The following SPINK8 variants were observed in gnomAD, a reference collection of about 807,000 sequenced individuals.
SPINK8 encodes serine peptidase inhibitor Kazal type 8 (putative), also known as serine protease inhibitor Kazal-type 8.
In SPINK8, 12 loss-of-function variants were observed where a neutral mutation model predicts 14.4. That is an observed-to-expected ratio of 0.83 (90% CI 0.53 to 1.35). SPINK8 has a LOEUF of 1.35. SPINK8 is among the 40% of genes most tolerant of loss of function. SPINK8 has a pLI of 0.00. For synonymous variants in SPINK8, 32 were observed against 37.6 expected, an observed-to-expected ratio of 0.85 and a Z score of 0.55; for missense variants, 103 against 117.0, an observed-to-expected ratio of 0.88 and a Z score of 0.55.
intron 7 of SPINK8, 37 bp from the exon 8 acceptor site, chr3:48,307,040 G>C (rs1399520313): frequency 2.5e-6 from 4 of 1,608,012 alleles, no homozygotes; most frequent in Non-Finnish European, 3.4e-6. Flanking sequence ...AATCAAATTT[G>C]AGGAAGTTAA....
intron 6 of SPINK8, among the ~76,000 whole-genome samples, chr3:48,318,097 T>G (rs2036018218): frequency 6.6e-6 from 1 of 152,140 alleles, no homozygotes; most frequent in Non-Finnish European, 1.5e-5. Flanking sequence ...TAGATTGGTA[T>G]AAATTAGAAT....
intron 3 of SPINK8, 53 bp from the exon 4 acceptor site, chr3:48,328,407 G>A (rs1393592087): frequency 5.2e-6 from 7 of 1,334,488 alleles, no homozygotes; most frequent in Non-Finnish European, 6.3e-6. Context: ...CGAAGTACAA[G>A]TTCTCACAGA....
intron 4 of SPINK8, among the ~76,000 whole-genome samples, chr3:48,323,257 G>C (rs1344184117): frequency 1.3e-5 from 2 of 151,982 alleles, no homozygotes; most frequent in Admixed American, 1.3e-4. Context: ...CAATTTTCGT[G>C]ACTCAGCCAC....
At chr3:48,318,304 C>T (rs2036021692) in intron 6 of SPINK8, among the ~76,000 whole-genome samples, 1 of 152,090 alleles carries the variant, frequency 6.6e-6, no homozygotes, top group Non-Finnish European at 1.5e-5. Flanking sequence ...CCACACCCGG[C>T]TAATTTTTGT....
At chr3:48,320,986 C>T (rs2036065618) in intron 5 of SPINK8, 39 bp downstream of exon 5, 4 of 1,569,578 alleles carry the variant, frequency 2.5e-6, no homozygotes, top group Non-Finnish European at 3.5e-6. Context: ...TGGCTCTCTC[C>T]CCATTCCTGT....
At chr3:48,314,987 C>T (rs976554738) in intron 6 of SPINK8, among the ~76,000 whole-genome samples, 2 of 152,146 alleles carry the variant, frequency 1.3e-5, no homozygotes, top group African/African-American at 4.8e-5. Flanking sequence ...TTTAAACTGC[C>T]TGGTTGAGTA....
chr3:48,333,014 T>A (rs142629929), intron 1 of SPINK8, among the ~76,000 whole-genome samples: 18 of 150,388 alleles, frequency 1.2e-4, no homozygotes, highest in Admixed American at 3.3e-4. Context: ...CCGTTTGTGT[T>A]GAAGGGGGGT....
At position 48,308,118 on chromosome 3, in the gene SPINK8, C is replaced by G. The variant is rs150273368; in HGVS notation, c.283-1115G>C. Among the ~76,000 whole-genome samples, 71 of 151,772 alleles carry G rather than the reference C, an allele frequency of 4.7e-4. 1 individual carries two copies. The highest frequency in any genetic ancestry group is 8.7e-4 in the Non-Finnish European group (59 of 67,904). ...CCTCCCAAGTAGCTGGGACTACAGG[C>G]GCCCGCCACCAAGACTGGCTAATTT... is the stretch of plus-strand genomic sequence containing the variant. On this transcript the variant is annotated intron_variant, in intron 7 of 7. Coordinates refer to ENST00000434006, the MANE Select transcript of SPINK8 (RefSeq NM_001080525.3).
At chr3:48,321,862 G>T (rs2036080728) in intron 4 of SPINK8, among the ~76,000 whole-genome samples, 1 of 150,812 alleles carries the variant, frequency 6.6e-6, no homozygotes, top group South Asian at 2.2e-4. Flanking sequence ...ACCCAGGCTG[G>T]AGTGCATTGA....
At chr3:48,323,512 G>T (rs1431310239) in intron 4 of SPINK8, among the ~76,000 whole-genome samples, 2 of 152,186 alleles carry the variant, frequency 1.3e-5, no homozygotes, top group African/African-American at 4.8e-5. Flanking sequence ...AGAAGGCTTT[G>T]CCTAATTCAA....
intron 4 of SPINK8, among the ~76,000 whole-genome samples, chr3:48,323,385 C>T (rs1229625396): frequency 6.6e-6 from 1 of 152,124 alleles, no homozygotes; most frequent in African/African-American, 2.4e-5. Flanking sequence ...AGGCATGAGC[C>T]ACCACTCCTG....
intron 6 of SPINK8, among the ~76,000 whole-genome samples, chr3:48,310,960 CT>C (rs1395808676): frequency 6.6e-6 from 1 of 152,044 alleles, no homozygotes; most frequent in African/African-American, 2.4e-5. Flanking sequence ...ACCAATATCC[CT>C]TGTGAATACA....
intron 3 of SPINK8, among the ~76,000 whole-genome samples, chr3:48,328,724 C>T (rs1287475864): frequency 6.6e-6 from 1 of 152,090 alleles, no homozygotes; most frequent in Non-Finnish European, 1.5e-5. Flanking sequence ...ATCACTTGAG[C>T]CCAGGAGTTC....
At chr3:48,319,211 C>T (rs1560016963) in intron 6 of SPINK8, among the ~76,000 whole-genome samples, 1 of 152,208 alleles carries the variant, frequency 6.6e-6, no homozygotes, top group Non-Finnish European at 1.5e-5. Flanking sequence ...ACATGATCTA[C>T]ATGCTATGGC....
intron 6 of SPINK8, among the ~76,000 whole-genome samples, chr3:48,314,106 G>A (rs975131430): frequency 3.3e-5 from 5 of 152,096 alleles, no homozygotes; most frequent in African/African-American, 1.2e-4. Flanking sequence ...TTCATTTTAT[G>A]TCATATGAAT....
chr3:48,309,847 G>C (rs527403363), intron 7 of SPINK8, 57 bp downstream of exon 7: 1 of 1,422,524 alleles, frequency 7.0e-7, no homozygotes, highest in East Asian at 3.0e-5. Flanking sequence ...AAAACAGTGA[G>C]CTCTTAACTT....
Position 48,309,893 on chromosome 3 carries a change from T to A in SPINK8, c.282+11A>T. On this transcript the variant is annotated intron_variant, in intron 7 of 7. Transcript: ENST00000434006. ...CTTCTAAAAATAAAAAATAAAAGTG[T>A]CTTTACTTACACATTGTCCATCATA... 1 of 1,454,950 alleles carries A rather than the reference T, an allele frequency of 6.9e-7. No individual in the cohort carries two copies. The allele number at this position is 1,454,950 out of a possible 1,614,324, so 90.1% of individuals were successfully genotyped here.
chr3:48,323,539 C>T (rs955418322), intron 4 of SPINK8, among the ~76,000 whole-genome samples: 16 of 152,208 alleles, frequency 1.1e-4, no homozygotes, highest in African/African-American at 3.9e-4. Flanking sequence ...GAAATTCACT[C>T]ATATTGTTTT....
At chr3:48,312,295 A>G (rs1232538142) in intron 6 of SPINK8, among the ~76,000 whole-genome samples, 1 of 152,222 alleles carries the variant, frequency 6.6e-6, no homozygotes. Flanking sequence ...GGGGAAGAGG[A>G]TAGTTTCTTC....
Sources: gnomAD v4.1 joint callset for allele counts (sites outside exome capture counted in the v4.1 genomes callset) on GRCh38, gnomAD v4.1.1 for gene constraint, MANE v1.5 for transcripts, NCBI Gene and HGNC (gene_info 2026-07-23, HGNC 2026-07-21) for gene names.